The following WFDC11 variants were observed in gnomAD, a reference collection of about 807,000 sequenced individuals.
The protein encoded by WFDC11 is WAP four-disulfide core domain 11.
WFDC11 carries 9 observed loss-of-function variants against 9.9 expected under a neutral mutation model. The ratio of observed to expected loss-of-function variants is 0.91; its 90% CI spans 0.55 to 1.58. The LOEUF is 1.58. Ranked by LOEUF, WFDC11 falls within the 40% of genes most tolerant of loss-of-function variation. The probability of loss-of-function intolerance (pLI) is 0.00; values close to 1 mark genes in which losing one functional copy is unlikely to be tolerated. For synonymous variants in WFDC11, 32 were observed against 33.3 expected, an observed-to-expected ratio of 0.96 and a Z score of 0.13; for missense variants, 106 against 101.7, an observed-to-expected ratio of 1.04 and a Z score of -0.18.
chr20:45,664,956 T>C (rs1325568582), intron 2 of WFDC11, among the ~76,000 whole-genome samples: 1 of 152,240 alleles, frequency 6.6e-6, no homozygotes, highest in Non-Finnish European at 1.5e-5. Context: ...ATTTGAATGT[T>C]GGCCTGCCTT....
chr20:45,660,497 G>T (rs994074221), intron 2 of WFDC11, among the ~76,000 whole-genome samples: 2 of 151,984 alleles, frequency 1.3e-5, no homozygotes, highest in Non-Finnish European at 2.9e-5. Context: ...CATGTGCCAT[G>T]CTGGTGTGCT....
At chr20:45,659,216 G>C (rs1388819309) in intron 2 of WFDC11, among the ~76,000 whole-genome samples, 6 of 152,114 alleles carry the variant, frequency 3.9e-5, no homozygotes, top group Non-Finnish European at 5.9e-5. Context: ...ATAATCCTTT[G>C]GGTGTATACC....
Position 45,649,111 on chromosome 20 carries a change from C to T in WFDC11, c.243+146G>A, listed in dbSNP as rs1982746692. 9 of 973,628 alleles carry T rather than the reference C, an allele frequency of 9.2e-6. No individual in the cohort carries two copies. In the South Asian group the frequency reaches 1.2e-4, roughly 13 times the overall value. 60.3% of individuals were successfully genotyped at this position (973,628 alleles called of 1,614,324 possible). A position where few individuals can be genotyped will look rare whatever the true frequency, so the allele number is the denominator to read the frequency against. ...TCTTGATTTACTCGCCAGTGAATTGCTTTCCAAGTTAAAGGGACATTGTCT... is the reference window on the plus strand; with the variant it reads ...TCTTGATTTACTCGCCAGTGAATTGTTTTCCAAGTTAAAGGGACATTGTCT... On this transcript the variant is annotated intron_variant, in intron 4 of 4. Transcript: ENST00000324384.
At position 45,667,396 on chromosome 20, in the gene WFDC11, A is replaced by G. The variant is rs140065320; in HGVS notation, c.-133-227T>C. 3.1e-3 allele frequency among the ~76,000 whole-genome samples: 474 copies of G among 152,310 alleles called. 3 individuals carry two copies. Among genetic ancestry groups the G allele is most frequent in the Non-Finnish European group, 4.5e-3 (309 of 68,024 alleles). On this transcript the variant is annotated intron_variant, in intron 1 of 4. Transcript: ENST00000324384. ...AGAATCCTCTGCTCCCCTAACACAC[A>G]CACAAGTCTGGCTGATTGTGGACAC...
At chr20:45,667,913 A>G (rs1172787161) in intron 1 of WFDC11, among the ~76,000 whole-genome samples, 1 of 152,256 alleles carries the variant, frequency 6.6e-6, no homozygotes, top group Non-Finnish European at 1.5e-5. Context: ...GTTGGACACC[A>G]AATTCACTAT....
rs532329651 is a variant in WFDC11 at position 45,661,735 on chromosome 20, C to A, written c.-52+5353G>T. 1.2e-3 allele frequency among the ~76,000 whole-genome samples: 187 copies of A among 151,986 alleles called. 2 individuals are homozygous for A. In the South Asian group the frequency reaches 0.037, roughly 30 times the overall value. On this transcript the variant is annotated intron_variant, in intron 2 of 4. Transcript: ENST00000324384. ...CAAAGATCAGATAGTTGTAGATATGCGGCGTTATTACTGAGGGCTCTGTTC... is the reference window on the plus strand; with the variant it reads ...CAAAGATCAGATAGTTGTAGATATGAGGCGTTATTACTGAGGGCTCTGTTC...
intron 1 of WFDC11, among the ~76,000 whole-genome samples, chr20:45,669,971 A>G (rs1372259132): frequency 6.6e-6 from 1 of 152,082 alleles, no homozygotes. Flanking sequence ...AATCAAAAAT[A>G]ACAAAGGGGA....
At position 45,650,657 on chromosome 20, in the gene WFDC11, G is replaced by T. The variant is rs1982787436; in HGVS notation, c.-51-6C>A. ...ATTTTTCTTCCCAGTCGCTGCTAGA[G>T]ATCAAGACATATAAATAGGGAAAGA... On this transcript the variant is annotated splice_polypyrimidine_tract_variant and splice_region_variant and intron_variant, in intron 2 of 4. Coordinates refer to ENST00000324384, the MANE Select transcript of WFDC11 (RefSeq NM_147197.2). The T allele has an allele frequency of 7.1e-7, 1 of 1,407,990 alleles. No homozygotes were observed. The highest frequency in any genetic ancestry group is 1.7e-5 in the Admixed American group (1 of 59,324). 87.2% of individuals were successfully genotyped at this position (1,407,990 alleles called of 1,614,324 possible). A position where few individuals can be genotyped will look rare whatever the true frequency, so the allele number is the denominator to read the frequency against.
intron 2 of WFDC11, among the ~76,000 whole-genome samples, chr20:45,653,266 C>CTTGAATGTT: frequency 6.6e-6 from 1 of 152,078 alleles, no homozygotes; most frequent in Non-Finnish European, 1.5e-5. Context: ...AGAGTGGGGG[C>CTTGAATGTT]CAATATTCAA....
chr20:45,650,681 G>T, intron 2 of WFDC11, 30 bp from the exon 3 acceptor site: 1 of 1,187,514 alleles, frequency 8.4e-7, no homozygotes, highest in Non-Finnish European at 1.3e-6. Flanking sequence ...AATAGGGAAA[G>T]AGAGGTGTGA....
In WFDC11 at chr20:45,662,329, G is replaced by A. The variant is rs1292993040; in HGVS notation, c.-52+4759C>T. On this transcript the variant is annotated intron_variant, in intron 2 of 4. Transcript: ENST00000324384. Reference sequence around the variant, plus strand: ...TAAGGAGATTTTGGGCTGAGACAATGGGGTTTTCTAGATATGCAATCATGT... The same window carrying A: ...TAAGGAGATTTTGGGCTGAGACAATAGGGTTTTCTAGATATGCAATCATGT... Among the ~76,000 whole-genome samples the A allele has an allele frequency of 2.6e-5, 4 of 152,132 alleles. No individual in the cohort carries two copies. The South Asian group carries it at 6.2e-4, about 24-fold the overall frequency.
intron 2 of WFDC11, among the ~76,000 whole-genome samples, chr20:45,653,531 C>A (rs896903708): frequency 1.3e-5 from 2 of 151,642 alleles, no homozygotes; most frequent in African/African-American, 4.8e-5. Context: ...AACTAACAAG[C>A]AAAATAACAG....
At chr20:45,663,070 G>A (rs1024640426) in intron 2 of WFDC11, among the ~76,000 whole-genome samples, 19 of 152,134 alleles carry the variant, frequency 1.2e-4, no homozygotes, top group East Asian at 5.8e-4. Flanking sequence ...TTGGTTGGTA[G>A]GCTATTAATT....
At chr20:45,652,452 C>A (rs1036946960) in intron 2 of WFDC11, among the ~76,000 whole-genome samples, 1 of 151,990 alleles carries the variant, frequency 6.6e-6, no homozygotes, top group Admixed American at 6.6e-5. Context: ...TCATCAAAGA[C>A]CAAAGGTAGA....
intron 2 of WFDC11, among the ~76,000 whole-genome samples, chr20:45,656,031 G>A (rs907542717): frequency 5.9e-5 from 9 of 152,252 alleles, no homozygotes; most frequent in Admixed American, 4.6e-4. Context: ...TAGATTCAAT[G>A]CCATCCACAT....
chr20:45,654,405 C>A (rs556951507), intron 2 of WFDC11, among the ~76,000 whole-genome samples: 12 of 152,202 alleles, frequency 7.9e-5, no homozygotes, highest in African/African-American at 1.4e-4. Flanking sequence ...CACAACATAC[C>A]AGAATCTCTG....
chr20:45,657,931 C>A (rs1409466016), intron 2 of WFDC11, among the ~76,000 whole-genome samples: 1 of 152,106 alleles, frequency 6.6e-6, no homozygotes, highest in African/African-American at 2.4e-5. Flanking sequence ...AGCAATTCCA[C>A]TATATCGATG....
chr20:45,656,968 C>T (rs914220301), intron 2 of WFDC11, among the ~76,000 whole-genome samples: 4 of 152,162 alleles, frequency 2.6e-5, no homozygotes, highest in Admixed American at 6.5e-5. Context: ...AATAGGAACA[C>T]TTTTACACTG....
intron 2 of WFDC11, among the ~76,000 whole-genome samples, chr20:45,661,118 G>A (rs1296068604): frequency 6.6e-6 from 1 of 152,182 alleles, no homozygotes; most frequent in Non-Finnish European, 1.5e-5. Context: ...TCTAACTGGT[G>A]TGAGATGGTA....
Sources: allele counts gnomAD v4.1 joint callset (sites outside exome capture counted in the v4.1 genomes callset), GRCh38; gene constraint gnomAD v4.1.1; transcripts MANE v1.5; gene names NCBI Gene and HGNC (gene_info 2026-07-23, HGNC 2026-07-21).